Variants in CSRNP2 observed in about 807,000 individuals in gnomAD.
CSRNP2 encodes cysteine and serine rich nuclear protein 2.
A neutral mutation model predicts 36.6 loss-of-function variants in CSRNP2; 11 were observed. That is an observed-to-expected ratio of 0.30 (90% CI 0.19 to 0.50). CSRNP2 has a LOEUF of 0.50. Ranked by LOEUF, CSRNP2 falls within the 20% of genes least tolerant of loss-of-function variation. The probability of loss-of-function intolerance (pLI) is 0.98; values close to 1 mark genes in which losing one functional copy is unlikely to be tolerated. For synonymous variants in CSRNP2, 248 were observed against 275.3 expected (o/e 0.90, Z 0.98); for missense variants, 483 against 691.4 (o/e 0.70, Z 3.38).
chr12:51,079,228 T>C (rs566868719), intron 1 of CSRNP2, among the ~76,000 whole-genome samples: 11 of 149,798 alleles, frequency 7.3e-5, no homozygotes, highest in Non-Finnish European at 1.5e-4. Context: ...TGTCGTGGGG[T>C]GGGGGAAGCG....
In CSRNP2 at chr12:51,063,594, T is replaced by C. The variant is rs1937788577; in HGVS notation, c.*152A>G. 1 of 611,548 alleles carries C rather than the reference T, an allele frequency of 1.6e-6. No individual in the cohort carries two copies. The highest frequency in any genetic ancestry group is 1.8e-5 in the African/African-American group (1 of 54,566). 37.9% of individuals were successfully genotyped at this position (611,548 alleles called of 1,614,324 possible). On this transcript the variant is annotated 3_prime_UTR_variant, in exon 5 of 5. Coordinates refer to ENST00000228515, the MANE Select transcript of CSRNP2 (RefSeq NM_030809.3). ...TTGGTACTGTTTCCCTTTTAAAAAA[T>C]ACTCAAACAATCCTTTCCCACCCAT... is the stretch of plus-strand genomic sequence containing the variant.
At chr12:51,083,042 T>G (rs1252627468) in intron 1 of CSRNP2, 2 of 152,136 alleles carry the variant, frequency 1.3e-5, no homozygotes, top group African/African-American at 4.8e-5. Context: ...CATTCCGAAC[T>G]CAATCCTCAT....
chr12:51,071,955 G>A (rs2136902089), intron 3 of CSRNP2, among the ~76,000 whole-genome samples: 1 of 151,820 alleles, frequency 6.6e-6, no homozygotes, highest in African/African-American at 2.4e-5. Flanking sequence ...GAGAAAAACA[G>A]GTGTAGGGCT....
Position 51,063,662 on chromosome 12 carries a change from T to G in CSRNP2, c.*84A>C. Reference sequence around the variant, plus strand: ...AAAATAACATGGGAGCAGCAGCTGCTTCTACAGTTTTGTTTTGAAATGGTG... The same window carrying G: ...AAAATAACATGGGAGCAGCAGCTGCGTCTACAGTTTTGTTTTGAAATGGTG... On this transcript the variant is annotated 3_prime_UTR_variant, in exon 5 of 5. Transcript: ENST00000228515. 1 of 1,070,644 alleles carries G rather than the reference T, an allele frequency of 9.3e-7. No homozygotes were observed. The allele number at this position is 1,070,644 out of a possible 1,614,324, so 66.3% of individuals were successfully genotyped here. A position where few individuals can be genotyped will look rare whatever the true frequency, so the allele number is the denominator to read the frequency against.
At chr12:51,076,149 G>T (rs1939388964) in intron 2 of CSRNP2, among the ~76,000 whole-genome samples, 1 of 152,186 alleles carries the variant, frequency 6.6e-6, no homozygotes, top group Non-Finnish European at 1.5e-5. Flanking sequence ...TGGGACTCTG[G>T]TGGGGGCAGG....
intron 4 of CSRNP2, among the ~76,000 whole-genome samples, chr12:51,066,077 C>T (rs1187873748): frequency 1.3e-5 from 2 of 151,984 alleles, no homozygotes; most frequent in Non-Finnish European, 2.9e-5. Context: ...CCCAGTACTT[C>T]GGGAGGCTGA....
rs1324557081 is a variant in CSRNP2 at position 51,064,007 on chromosome 12, G to T, written c.1371C>A (p.Thr457=). ...CTGTGGAGCTACAAGCCACGAGTGA[G>T]GTAACAGGGAGAGAGAAGACATTCA... is the stretch of plus-strand genomic sequence containing the variant. The part of the protein sequence containing the change: ...KDLNVFSLPV[T]SLVACSSTDP... Residue 457 remains threonine, a synonymous_variant, in exon 5 of 5, where the codon ACC becomes ACA. Transcript: ENST00000228515. 1.9e-6 allele frequency: 3 copies of T among 1,614,208 alleles called. No homozygotes were observed. The highest frequency in any genetic ancestry group is 2.5e-6 in the Non-Finnish European group (3 of 1,180,016).
At chr12:51,066,453 C>CA (rs752714917) in intron 4 of CSRNP2, among the ~76,000 whole-genome samples, 26,807 of 77,798 alleles carry the variant, frequency 0.34, 4,602 homozygotes, top group Non-Finnish European at 0.47. Context: ...GACTCCGTCT[C>CA]AAAAAAAAAA....
At position 51,062,015 on chromosome 12, in the gene CSRNP2, A is replaced by T. The variant is rs960508964; in HGVS notation, c.*1731T>A. The T allele has an allele frequency of 6.6e-6, 1 of 152,196 alleles. No homozygotes were observed. Among genetic ancestry groups the T allele is most frequent in the African/African-American group, 2.4e-5 (1 of 41,444 alleles). The allele number at this position is 152,196 out of a possible 1,614,324, so 9.4% of individuals were successfully genotyped here. ...GTGAGGCTAGGGGATGGGGAGAGATAAGGATCTGTGTACTTAAGTTCCCCT... is the reference window on the plus strand; with the variant it reads ...GTGAGGCTAGGGGATGGGGAGAGATTAGGATCTGTGTACTTAAGTTCCCCT... On this transcript the variant is annotated 3_prime_UTR_variant, in exon 5 of 5. Transcript: ENST00000228515.
chr12:51,069,287 CTTTT>C (rs71089740), intron 3 of CSRNP2, among the ~76,000 whole-genome samples: 8 of 121,314 alleles, frequency 6.6e-5, no homozygotes, highest in African/African-American at 9.4e-5. Flanking sequence ...CTTCTCCTTT[CTTTT>C]TTTTTTTTTT....
At chr12:51,072,089 C>T (rs1939184113) in intron 3 of CSRNP2, among the ~76,000 whole-genome samples, 1 of 152,178 alleles carries the variant, frequency 6.6e-6, no homozygotes, top group Non-Finnish European at 1.5e-5. Flanking sequence ...GTGTCTCTCT[C>T]ATGACTCTGG....
chr12:51,074,099 G>A lies in CSRNP2; in HGVS notation c.152-17C>T, dbSNP rs374563731. ...TGGATGTGGCTGAGAAGGGAGCACA[G>A]AGAGATGTTTTATTTATTTTTCTAT... On this transcript the variant is annotated splice_polypyrimidine_tract_variant and intron_variant, in intron 2 of 4. Coordinates refer to ENST00000228515, the MANE Select transcript of CSRNP2 (RefSeq NM_030809.3). The A allele has an allele frequency of 4.4e-6, 7 of 1,604,472 alleles. No homozygotes were observed. The highest frequency in any genetic ancestry group is 5.9e-6 in the Non-Finnish European group (7 of 1,176,694).
At position 51,063,954 on chromosome 12, in the gene CSRNP2, ACCT is replaced by A; in HGVS notation, c.1421_1423del (p.Glu474del). ...AGCTTCTAGGGTGGGTGTTTTCCCC[ACCT>A]CTGATTTACAGAGGGCAGCTGGGTC... On this transcript the variant is annotated inframe_deletion, in exon 5 of 5. Transcript: ENST00000228515. 1 of 1,612,694 alleles carries A rather than the reference ACCT, an allele frequency of 6.2e-7. No individual in the cohort carries two copies. The highest frequency in any genetic ancestry group is 8.5e-7 in the Non-Finnish European group (1 of 1,178,908).
chr12:51,079,438 TTGAA>T (rs1939527163), intron 1 of CSRNP2, among the ~76,000 whole-genome samples: 1 of 151,510 alleles, frequency 6.6e-6, no homozygotes, highest in Non-Finnish European at 1.5e-5. Context: ...CCCCTTGTGA[TTGAA>T]TGCTTATGTG....
Position 51,061,621 on chromosome 12 carries a change from C to A in CSRNP2, c.*2125G>T, listed in dbSNP as rs7722. 44,517 of 152,362 alleles carry A rather than the reference C, an allele frequency of 0.29. 7,911 individuals are homozygous for A. The highest frequency in any genetic ancestry group is 0.69 in the East Asian group (3,584 of 5,162). The allele number at this position is 152,362 out of a possible 1,614,324, so 9.4% of individuals were successfully genotyped here. A position where few individuals can be genotyped will look rare whatever the true frequency, so the allele number is the denominator to read the frequency against. ...GGATCAGTGTGAGTCACAACTGTAG[C>A]GTTAATGAAGGGGATGGACTTAAAT... On this transcript the variant is annotated 3_prime_UTR_variant, in exon 5 of 5. Coordinates refer to ENST00000228515, the MANE Select transcript of CSRNP2 (RefSeq NM_030809.3).
Position 51,076,580 on chromosome 12 carries a change from C to A in CSRNP2, c.-19G>T, listed in dbSNP as rs956142818. ...CATCCATTGGTTTCAAAGGGGTTTC[C>A]TTGGGGAGCCCACCAAGTTGGCCCC... is the stretch of plus-strand genomic sequence containing the variant. On this transcript the variant is annotated 5_prime_UTR_variant, in exon 2 of 5. In the 5' UTR this introduces an upstream ATG that the reference lacks. Transcript: ENST00000228515. 1 of 1,613,462 alleles carries A rather than the reference C, an allele frequency of 6.2e-7. No homozygotes were observed.
At chr12:51,071,398 C>A (rs773777810) in intron 3 of CSRNP2, among the ~76,000 whole-genome samples, 3 of 149,886 alleles carry the variant, frequency 2.0e-5, no homozygotes, top group African/African-American at 4.9e-5. Flanking sequence ...CAGAGTGAGA[C>A]CCTGTTTCAA....
intron 2 of CSRNP2, among the ~76,000 whole-genome samples, chr12:51,074,417 G>A (rs1449413044): frequency 6.6e-6 from 1 of 151,952 alleles, no homozygotes; most frequent in Non-Finnish European, 1.5e-5. Context: ...ATGCCTGGCC[G>A]AGAGATGCTT....
In CSRNP2 at chr12:51,083,559, A is replaced by C. The variant is rs1399889026; in HGVS notation, c.-307T>G. 1 of 152,406 alleles carries C rather than the reference A, an allele frequency of 6.6e-6. No homozygotes were observed. Among genetic ancestry groups the C allele is most frequent in the Admixed American group, 6.5e-5 (1 of 15,312 alleles). The allele number at this position is 152,406 out of a possible 1,614,324, so 9.4% of individuals were successfully genotyped here. On this transcript the variant is annotated 5_prime_UTR_variant, in exon 1 of 5. Transcript: ENST00000228515. ...CTCCGGCAACTCGGGCGCCCCCGGC[A>C]GCAGACGCCCAGAACCGCCCCGGCT...
Sources: allele counts gnomAD v4.1 joint callset (sites outside exome capture counted in the v4.1 genomes callset), GRCh38; gene constraint gnomAD v4.1.1; transcripts MANE v1.5; gene names NCBI Gene and HGNC (gene_info 2026-07-23, HGNC 2026-07-21).